The following COL7A1 variants were observed in gnomAD, a reference collection of about 807,000 sequenced individuals.
COL7A1 encodes the protein collagen type VII alpha 1 chain.
Under a neutral mutation model 456.2 loss-of-function variants are expected in COL7A1, and 296 were observed. That is an observed-to-expected ratio of 0.65 (90% CI 0.59 to 0.71). COL7A1 has a LOEUF of 0.71. Among genes scored for constraint, COL7A1 ranks in the 30% least tolerant of loss-of-function variants. COL7A1 has a pLI of 0.00. For missense variants in COL7A1, 3,441 were observed against 4,017.2 expected, an observed-to-expected ratio of 0.86 and a Z score of 3.88; for synonymous variants, 1,464 against 1,525.9, an observed-to-expected ratio of 0.96 and a Z score of 0.95.
Position 48,594,163 on chromosome 3 carries a change from C to T in COL7A1, c.266+205G>A, listed in dbSNP as rs1480372106. ...CTTGCACCTTCCTGTCTTGCAGTAG[C>T]CTGGAGGTGCCTCAGGGCACGAAGG... is the stretch of plus-strand genomic sequence containing the variant. On this transcript the variant is annotated intron_variant, in intron 3 of 118. Transcript: ENST00000681320. The surrounding 1 kb of genome is among the most constrained non-coding windows in gnomAD (Gnocchi z 5.5). Among the ~76,000 whole-genome samples the T allele has an allele frequency of 6.6e-6, 1 of 152,212 alleles. No homozygotes were observed. Among genetic ancestry groups the T allele is most frequent in the Non-Finnish European group, 1.5e-5 (1 of 68,022 alleles).
Position 48,585,971 on chromosome 3 carries a change from C to G in COL7A1, c.3728G>C (p.Arg1243Pro). 1 of 1,613,922 alleles carries G rather than the reference C, an allele frequency of 6.2e-7. No homozygotes were observed. The highest frequency in any genetic ancestry group is 8.5e-7 in the Non-Finnish European group (1 of 1,180,012). The change falls in exon 29 of 119, where the codon CGG becomes CCG. Residue 1243 changes from arginine to proline, a missense_variant. Around this residue, in one of 3 missense-constraint regions of COL7A1, gnomAD observed 2,084 missense variants for 2,501.3 expected, o/e 0.83. Transcript: ENST00000681320. The surrounding 1 kb of genome is among the most constrained non-coding windows in gnomAD (Gnocchi z 4.5). ...ACAATACACTGGGCAGGGCTCTGGC[C>G]GGGGCTGCGGACATAGGGTCTCTTT... ...LCQASFTTQP[R>P]PEPCPVYCPK...
rs775565383 is a variant in COL7A1 at position 48,571,012 on chromosome 3, C to T, written c.7165-44G>A. Reference sequence around the variant, plus strand: ...AGGGAGGGAATGGTCAATGCAGGACCCCTCCCAGGACTCTCATCAGAACTC... The same window carrying T: ...AGGGAGGGAATGGTCAATGCAGGACTCCTCCCAGGACTCTCATCAGAACTC... On this transcript the variant is annotated intron_variant, in intron 94 of 118. Transcript: ENST00000681320. This position sits in a 1 kb window ranked among gnomAD's most constrained non-coding sequence, Gnocchi z 4.6. 3.7e-6 allele frequency: 6 copies of T among 1,611,956 alleles called. No homozygotes were observed. The Admixed American group carries it at 1.0e-4, about 27-fold the overall frequency.
chr3:48,593,888 C>T lies in COL7A1; in HGVS notation c.267-192G>A, dbSNP rs2045885530. Among the ~76,000 whole-genome samples the T allele has an allele frequency of 2.0e-5, 3 of 152,310 alleles. No individual in the cohort carries two copies. Among genetic ancestry groups the T allele is most frequent in the South Asian group, 4.1e-4 (2 of 4,830 alleles). ...ACTCCCCAGGGGCTCCTTTGTGCAC[C>T]ATCTGCAGGTGGGCCTGGGCAGACC... is the stretch of plus-strand genomic sequence containing the variant. On this transcript the variant is annotated intron_variant, in intron 3 of 118. Transcript: ENST00000681320. This position sits in a 1 kb window ranked among gnomAD's most constrained non-coding sequence, Gnocchi z 4.4.
Position 48,594,983 on chromosome 3 carries a change from T to C in COL7A1, c.85+92A>G. On this transcript the variant is annotated intron_variant, in intron 2 of 118. Coordinates refer to ENST00000681320, the MANE Select transcript of COL7A1 (RefSeq NM_000094.4). The surrounding 1 kb of genome is among the most constrained non-coding windows in gnomAD (Gnocchi z 5.5). Reference sequence around the variant, plus strand: ...CGGGGCGTCGTGGAGTTGGCTGGGTTGTGGGCGGGGGGTGTTGGGGATGAA... The same window carrying C: ...CGGGGCGTCGTGGAGTTGGCTGGGTCGTGGGCGGGGGGTGTTGGGGATGAA... 2.8e-6 allele frequency: 3 copies of C among 1,055,500 alleles called. No homozygotes were observed. The highest frequency in any genetic ancestry group is 4.2e-6 in the Non-Finnish European group (3 of 715,192). The allele number at this position is 1,055,500 out of a possible 1,614,324, so 65.4% of individuals were successfully genotyped here.
At position 48,571,375 on chromosome 3, in the gene COL7A1, C is replaced by A; in HGVS notation, c.7069-97G>T. On this transcript the variant is annotated intron_variant, in intron 92 of 118. Coordinates refer to ENST00000681320, the MANE Select transcript of COL7A1 (RefSeq NM_000094.4). This position sits in a 1 kb window ranked among gnomAD's most constrained non-coding sequence, Gnocchi z 4.6. ...TATTCCCAGGGGAGTTCTGATGTGA[C>A]CATGAACACATGGGAACTCAGACAT... is the stretch of plus-strand genomic sequence containing the variant. 1 of 1,470,464 alleles carries A rather than the reference C, an allele frequency of 6.8e-7. No homozygotes were observed. Among genetic ancestry groups the A allele is most frequent in the Non-Finnish European group, 9.5e-7 (1 of 1,056,762 alleles). The allele number at this position is 1,470,464 out of a possible 1,614,324, so 91.1% of individuals were successfully genotyped here.
rs1290421211 is a variant in COL7A1, at chr3:48,572,124, C to T, written c.7023+3G>A. ...GTCAGGCCCCAGGGCCAACCCACCT[C>T]ACCTTCTCGCCTCGCGGCCCTGGCA... is the stretch of plus-strand genomic sequence containing the variant. On this transcript the variant is annotated splice_donor_region_variant and intron_variant, in intron 91 of 118. Coordinates refer to ENST00000681320, the MANE Select transcript of COL7A1 (RefSeq NM_000094.4). This position sits in a 1 kb window ranked among gnomAD's most constrained non-coding sequence, Gnocchi z 4.6. 1 of 1,614,066 alleles carries T rather than the reference C, an allele frequency of 6.2e-7. No individual in the cohort carries two copies.
chr3:48,565,434 G>A lies in COL7A1; in HGVS notation c.8503C>T (p.Arg2835Cys), dbSNP rs536894832. Residue 2835 changes from arginine (R) to cysteine (C), a missense_variant, in exon 116 of 119, where the codon CGC becomes TGC. This residue lies in a region of COL7A1 where 2,084 missense variants were observed against 2,501.3 expected (regional missense o/e 0.83). Transcript: ENST00000681320. The surrounding 1 kb of genome is among the most constrained non-coding windows in gnomAD (Gnocchi z 4.5). ...CCTTCCTCCTCTGCATGAGAGACGC[G>A]GAGCACAGGCACAGCATGGAGCTGG... ...GSQLHAVPVLRVSHAEEEERV... is the reference protein window; with the variant it reads ...GSQLHAVPVLCVSHAEEEERV... 1.1e-5 allele frequency: 18 copies of A among 1,612,324 alleles called. No individual in the cohort carries two copies. Among genetic ancestry groups the A allele is most frequent in the East Asian group, 4.5e-5 (2 of 44,822 alleles).
In COL7A1 at chr3:48,568,820, G is replaced by A. The variant is rs141873874; in HGVS notation, c.7722C>T (p.Ala2574=). Residue 2574 remains alanine, a synonymous_variant, in exon 104 of 119, where the codon GCC becomes GCT. Coordinates refer to ENST00000681320, the MANE Select transcript of COL7A1 (RefSeq NM_000094.4). The surrounding 1 kb of genome is among the most constrained non-coding windows in gnomAD (Gnocchi z 5.2). Reference sequence around the variant, plus strand: ...GGAGTCCACGCAGTCCTGGCAACCCGGCTGAGCCCTTGTCACCAGGCTCTC... The same window carrying A: ...GGAGTCCACGCAGTCCTGGCAACCCAGCTGAGCCCTTGTCACCAGGCTCTC... ...SKGEPGDKGS[A]GLPGLRGLLG... 112 of 1,576,540 alleles carry A rather than the reference G, an allele frequency of 7.1e-5. No individual in the cohort carries two copies. The highest frequency in any genetic ancestry group is 8.5e-5 in the Non-Finnish European group (99 of 1,160,118).
Position 48,587,510 on chromosome 3 carries a change from A to G in COL7A1, c.2902T>C (p.Ser968Pro), listed in dbSNP as rs200150258. 3.0e-5 allele frequency: 49 copies of G among 1,613,346 alleles called. No homozygotes were observed. Among genetic ancestry groups the G allele is most frequent in the Non-Finnish European group, 3.9e-5 (46 of 1,180,040 alleles). Residue 968 changes from serine to proline, a missense_variant, in exon 23 of 119, where the codon TCG (serine) becomes CCG (proline). By Grantham distance (74) the Ser-to-Pro change is moderately conservative. Transcript: ENST00000681320. The surrounding 1 kb of genome is among the most constrained non-coding windows in gnomAD (Gnocchi z 6.1). Reference protein sequence around the residue: ...PSIELRVVDTSIDSVTLAWTP... With the variant: ...PSIELRVVDTPIDSVTLAWTP... ...CAGGCCAAAGTCACCGAGTCGATCGAGGTGTCCACCACACGTAGTTCAATG... is the reference window on the plus strand; with the variant it reads ...CAGGCCAAAGTCACCGAGTCGATCGGGGTGTCCACCACACGTAGTTCAATG...
chr3:48,564,731 G>A lies in COL7A1; in HGVS notation c.8818+52C>T, dbSNP rs899565998. 33 of 1,580,330 alleles carry A rather than the reference G, an allele frequency of 2.1e-5. No individual in the cohort carries two copies. In the Admixed American group the frequency reaches 4.7e-4, roughly 22 times the overall value. ...CCCAAGGACTCCTCCCCCAGAACCC[G>A]ATCCAGGCAGGCTCAGTGCCCAGTT... On this transcript the variant is annotated intron_variant, in intron 118 of 118. Coordinates refer to ENST00000681320, the MANE Select transcript of COL7A1 (RefSeq NM_000094.4). The surrounding 1 kb of genome is among the most constrained non-coding windows in gnomAD (Gnocchi z 6.0).
In COL7A1 at chr3:48,568,320, A is replaced by G; in HGVS notation, c.7795-150T>C. 9.2e-7 allele frequency: 1 copy of G among 1,086,832 alleles called. No individual in the cohort carries two copies. Among genetic ancestry groups the G allele is most frequent in the East Asian group, 2.5e-5 (1 of 40,662 alleles). 67.3% of individuals were successfully genotyped at this position (1,086,832 alleles called of 1,614,324 possible). A position where few individuals can be genotyped will look rare whatever the true frequency, so the allele number is the denominator to read the frequency against. On this transcript the variant is annotated intron_variant, in intron 105 of 118. Transcript: ENST00000681320. The surrounding 1 kb of genome is among the most constrained non-coding windows in gnomAD (Gnocchi z 5.2). ...GCTTGCCATGGGGACAAGGGTCACC[A>G]TAGGCAGGGGACACCATCATAGGCG...
chr3:48,594,391 T>C lies in COL7A1; in HGVS notation c.243A>G (p.Thr81=). 1 of 1,611,288 alleles carries C rather than the reference T, an allele frequency of 6.2e-7. No individual in the cohort carries two copies. The highest frequency in any genetic ancestry group is 8.5e-7 in the Non-Finnish European group (1 of 1,180,012). The part of the protein sequence containing the change: ...AASAQGVRFA[T]VQYSDDPRTE... The stretch of plus-strand genomic sequence containing the variant: ...ACCGTGGGTCATCGCTGTACTGCAC[T>C]GTGGCAAAGCGCACACCCTGTGCAC... The change falls in exon 3 of 119, where the codon ACA becomes ACG. Residue 81 remains threonine (T), a synonymous_variant. Transcript: ENST00000681320. The surrounding 1 kb of genome is among the most constrained non-coding windows in gnomAD (Gnocchi z 5.5).
Position 48,594,609 on chromosome 3 carries a change from C to A in COL7A1, c.86-61G>T. The stretch of plus-strand genomic sequence containing the variant: ...GAGGCCAACCACCCGCCTACCCGCA[C>A]GGTGGCCTCACTGGGACTTGGGATG... On this transcript the variant is annotated intron_variant, in intron 2 of 118. Transcript: ENST00000681320. The surrounding 1 kb of genome is among the most constrained non-coding windows in gnomAD (Gnocchi z 5.5). The A allele has an allele frequency of 7.2e-6, 11 of 1,519,990 alleles. No homozygotes were observed. The highest frequency in any genetic ancestry group is 9.7e-6 in the Non-Finnish European group (11 of 1,130,916). 94.2% of individuals were successfully genotyped at this position (1,519,990 alleles called of 1,614,324 possible). A position where few individuals can be genotyped will look rare whatever the true frequency, so the allele number is the denominator to read the frequency against.
At position 48,584,297 on chromosome 3, in the gene COL7A1, C is replaced by A. The variant is rs1401166141; in HGVS notation, c.4197+1G>T. 6.2e-7 allele frequency: 1 copy of A among 1,607,210 alleles called. No individual in the cohort carries two copies. On this transcript the variant is annotated splice_donor_variant, in intron 37 of 118. Transcript: ENST00000681320. LOFTEE classifies it high-confidence loss of function. ...TCACATGGCACTCATGAGGCTGTCA[C>A]CTTCATGGCTGTTCCAGGAAGCCCT...
At position 48,569,614 on chromosome 3, in the gene COL7A1, G is replaced by A; in HGVS notation, c.7592C>T (p.Pro2531Leu). The A allele has an allele frequency of 6.2e-7, 1 of 1,613,788 alleles. No individual in the cohort carries two copies. The highest frequency in any genetic ancestry group is 8.5e-7 in the Non-Finnish European group (1 of 1,179,848). The change falls in exon 102 of 119, where the codon CCA (proline) becomes CTA (leucine). Residue 2531 changes from proline (P) to leucine (L), a missense_variant. Around this residue, in one of 3 missense-constraint regions of COL7A1, gnomAD observed 2,084 missense variants for 2,501.3 expected, o/e 0.83. Coordinates refer to ENST00000681320, the MANE Select transcript of COL7A1 (RefSeq NM_000094.4). This position sits in a 1 kb window ranked among gnomAD's most constrained non-coding sequence, Gnocchi z 4.9. ...CACCATGTCCCCCTTGGCACCCCGT[G>A]GGCCTGGAGGCCCCAGGATCACAGC... ...DSAVILGPPG[P>L]RGAKGDMGER...
Position 48,572,598 on chromosome 3 carries a change from G to A in COL7A1, c.6901-60C>T. On this transcript the variant is annotated intron_variant, in intron 88 of 118. Coordinates refer to ENST00000681320, the MANE Select transcript of COL7A1 (RefSeq NM_000094.4). This position sits in a 1 kb window ranked among gnomAD's most constrained non-coding sequence, Gnocchi z 4.6. ...CCCGCCCCCACCCTGCCACCCCCAT[G>A]GCATTTGGAAACAGGCTTGTGGGTG... The A allele has an allele frequency of 1.2e-6, 2 of 1,604,080 alleles. No individual in the cohort carries two copies. The highest frequency in any genetic ancestry group is 8.5e-7 in the Non-Finnish European group (1 of 1,174,562).
Position 48,570,157 on chromosome 3 carries a change from G to A in COL7A1, c.7462C>T (p.Gln2488Ter), listed in dbSNP as rs1553851245. The part of the protein sequence containing the change: ...GIRGEDGRPG[Q>*]EGPRGLTGPP... ...ACCGTGAGTCCTCGGGGTCCCTCCT[G>A]GCCGGGGCGGCCATCTTCACCCTGG... is the stretch of plus-strand genomic sequence containing the variant. Residue 2488 changes from glutamine to a stop codon, truncating the protein, a stop_gained, in exon 99 of 119, where the codon CAG becomes TAG. Transcript: ENST00000681320. LOFTEE classifies it high-confidence loss of function. The surrounding 1 kb of genome is among the most constrained non-coding windows in gnomAD (Gnocchi z 5.5). 4 of 1,614,064 alleles carry A rather than the reference G, an allele frequency of 2.5e-6. No individual in the cohort carries two copies. The Admixed American group carries it at 5.0e-5, about 20-fold the overall frequency.
Position 48,570,918 on chromosome 3 carries a change from G to A in COL7A1, c.7215C>T (p.Phe2405=), listed in dbSNP as rs779587550. 1.2e-5 allele frequency: 20 copies of A among 1,613,650 alleles called. No homozygotes were observed. Among genetic ancestry groups the A allele is most frequent in the Admixed American group, 1.7e-5 (1 of 59,960 alleles). Reference sequence around the variant, plus strand: ...CTCCTCGAGGGCCTGTCTGACCCGGGAACCCAACAACACCAGGAGCACCGG... The same window carrying A: ...CTCCTCGAGGGCCTGTCTGACCCGGAAACCCAACAACACCAGGAGCACCGG... ...GLPGAPGVVG[F]PGQTGPRGEM... is the part of the protein sequence containing the mutation. The change falls in exon 95 of 119, where the codon TTC becomes TTT. Residue 2405 remains phenylalanine, a synonymous_variant. Transcript: ENST00000681320. The surrounding 1 kb of genome is among the most constrained non-coding windows in gnomAD (Gnocchi z 5.5).
chr3:48,566,559 C>A lies in COL7A1; in HGVS notation c.8309G>T (p.Arg2770Leu), dbSNP rs541445877. Residue 2770 changes from arginine (R) to leucine (L), a missense_variant, in exon 113 of 119, where the codon CGG (arginine) becomes CTG (leucine). Physicochemically the swap from Arg to Leu is moderately radical, Grantham distance 102. Coordinates refer to ENST00000681320, the MANE Select transcript of COL7A1 (RefSeq NM_000094.4). This position sits in a 1 kb window ranked among gnomAD's most constrained non-coding sequence, Gnocchi z 5.9. ...GAPGERGEQGRPGPAGPRGEK... is the reference protein window; with the variant it reads ...GAPGERGEQGLPGPAGPRGEK... Reference sequence around the variant, plus strand: ...GCCTCGAGGACCGGCAGGCCCTGGCCGCCCCTATGTGCAACAGATGGGACC... The same window carrying A: ...GCCTCGAGGACCGGCAGGCCCTGGCAGCCCCTATGTGCAACAGATGGGACC... The A allele has an allele frequency of 2.4e-5, 38 of 1,614,158 alleles. No individual in the cohort carries two copies. In the South Asian group the frequency reaches 4.0e-4, roughly 17 times the overall value.
Sources: gnomAD v4.1 joint callset for allele counts (sites outside exome capture counted in the v4.1 genomes callset) on GRCh38, gnomAD v4.1.1 for gene constraint, gnomAD v4.1.1 regional missense constraint, Gnocchi (gnomAD v3.1) non-coding constraint, MANE v1.5 for transcripts, NCBI Gene and HGNC (gene_info 2026-07-23, HGNC 2026-07-21) for gene names.